Variants in PTPN21 observed in about 807,000 individuals in gnomAD.
The protein encoded by PTPN21 is tyrosine-protein phosphatase non-receptor type 21.
In PTPN21, 77 loss-of-function variants were observed where a neutral mutation model predicts 131.8. That is an observed-to-expected ratio of 0.58 (90% CI 0.49 to 0.71). PTPN21 has a LOEUF of 0.71. PTPN21 is among the 30% of genes least tolerant of loss of function. PTPN21 has a pLI of 0.00. For missense variants in PTPN21, 1,552 were observed against 1,527.1 expected (o/e 1.02, Z -0.27); for synonymous variants, 715 against 621.3 (o/e 1.15, Z -2.24).
At chr14:88,539,130 C>T (rs1488118322) in intron 2 of PTPN21, among the ~76,000 whole-genome samples, 1 of 151,820 alleles carries the variant, frequency 6.6e-6, no homozygotes, top group Non-Finnish European at 1.5e-5. Context: ...GTTGCCCAGG[C>T]TGGAGTGCAA....
At chr14:88,492,893 AGAT>A in intron 10 of PTPN21, 1 of 339,046 alleles carries the variant, frequency 2.9e-6, no homozygotes, top group South Asian at 2.3e-5. Flanking sequence ...GGGGACACGA[AGAT>A]GAGGAAGAGG....
At chr14:88,505,425 T>C (rs2078072676) in intron 4 of PTPN21, 54 bp from the exon 5 acceptor site, 5 of 1,293,070 alleles carry the variant, frequency 3.9e-6, no homozygotes, top group Non-Finnish European at 5.5e-6. Context: ...CATTGCAAAA[T>C]ATGCACAACA....
intron 2 of PTPN21, among the ~76,000 whole-genome samples, chr14:88,541,878 T>A (rs879535672): frequency 1.3e-5 from 2 of 152,194 alleles, no homozygotes; most frequent in Non-Finnish European, 2.9e-5. Context: ...GGAAGAAAGA[T>A]CCTGCTCTGT....
intron 2 of PTPN21, among the ~76,000 whole-genome samples, chr14:88,517,842 A>G (rs61984679): frequency 2.0e-5 from 3 of 147,386 alleles, no homozygotes; most frequent in African/African-American, 7.4e-5. Flanking sequence ...TATATACACT[A>G]TATATATGGT....
chr14:88,481,771 G>GGTGGGC (rs2077656206), intron 12 of PTPN21, among the ~76,000 whole-genome samples: 1 of 152,176 alleles, frequency 6.6e-6, no homozygotes, highest in African/African-American at 2.4e-5. Context: ...AAGTGGGTGG[G>GGTGGGC]GTGGGCGTGT....
chr14:88,528,909 G>A (rs1256508385), intron 2 of PTPN21, among the ~76,000 whole-genome samples: 5 of 152,144 alleles, frequency 3.3e-5, no homozygotes, highest in Admixed American at 1.3e-4. Context: ...CTAGGTATAC[G>A]TTCATATCAT....
chr14:88,519,016 G>T (rs1482699394), intron 2 of PTPN21, among the ~76,000 whole-genome samples: 4 of 151,174 alleles, frequency 2.6e-5, no homozygotes, highest in Non-Finnish European at 4.4e-5. Flanking sequence ...CACACAGAGT[G>T]CATGAGAAAA....
rs1227077129 is a variant in PTPN21 at position 88,550,312 on chromosome 14, C to T, written c.106G>A (p.Glu36Lys). Residue 36 changes from glutamate to lysine, a missense_variant, in exon 2 of 19, where the codon GAG (glutamate) becomes AAG (lysine). Glu to Lys is a moderately conservative substitution (Grantham distance 56). Coordinates refer to ENST00000556564, the MANE Select transcript of PTPN21 (RefSeq NM_007039.4). Reference sequence around the variant, plus strand: ...GTGCTCTCCACGGACAGGGTGAACTCCACAAACTCGTTATTAAGCAGTTGG... The same window carrying T: ...GTGCTCTCCACGGACAGGGTGAACTTCACAAACTCGTTATTAAGCAGTTGG... ...RIQLLNNEFVEFTLSVESTGQ... is the reference protein window; with the variant it reads ...RIQLLNNEFVKFTLSVESTGQ... 6.2e-7 allele frequency: 1 copy of T among 1,614,216 alleles called. No individual in the cohort carries two copies. The highest frequency in any genetic ancestry group is 1.1e-5 in the South Asian group (1 of 91,076).
At chr14:88,543,585 T>C (rs1375803809) in intron 2 of PTPN21, among the ~76,000 whole-genome samples, 3 of 152,198 alleles carry the variant, frequency 2.0e-5, no homozygotes, top group African/African-American at 7.2e-5. Flanking sequence ...ACAACATAGG[T>C]GCAAGGTGCC....
intron 2 of PTPN21, among the ~76,000 whole-genome samples, chr14:88,522,090 G>A (rs1169753069): frequency 1.3e-5 from 2 of 152,154 alleles, no homozygotes; most frequent in South Asian, 2.1e-4. Flanking sequence ...CCATAGAAGA[G>A]AGTAGCGAGA....
chr14:88,500,307 G>A (rs1340074246), intron 8 of PTPN21, among the ~76,000 whole-genome samples: 1 of 152,188 alleles, frequency 6.6e-6, no homozygotes, highest in Non-Finnish European at 1.5e-5. Flanking sequence ...GCATTAGCCT[G>A]TAGTCCTAGC....
At position 88,465,901 on chromosome 14, in the gene PTPN21, G is replaced by GTAAT. The variant is rs1333363161; in HGVS notation, c.*2232_*2235dup. On this transcript the variant is annotated 3_prime_UTR_variant, in exon 19 of 19. Coordinates refer to ENST00000556564, the MANE Select transcript of PTPN21 (RefSeq NM_007039.4). ...AACATTTTAAGAGTAATATTAAACAGTAATTTTGCCCTCAGAAGTTTACTT... is the reference window on the plus strand; with the variant it reads ...AACATTTTAAGAGTAATATTAAACAGTAATTAATTTTGCCCTCAGAAGTTTACTT... The GTAAT allele has an allele frequency of 2.0e-5, 3 of 151,894 alleles. No individual in the cohort carries two copies. Among genetic ancestry groups the GTAAT allele is most frequent in the African/African-American group, 7.3e-5 (3 of 41,180 alleles). The allele number at this position is 151,894 out of a possible 1,614,324, so 9.4% of individuals were successfully genotyped here. A position where few individuals can be genotyped will look rare whatever the true frequency, so the allele number is the denominator to read the frequency against.
At chr14:88,537,836 G>A (rs961804131) in intron 2 of PTPN21, among the ~76,000 whole-genome samples, 1 of 152,178 alleles carries the variant, frequency 6.6e-6, no homozygotes, top group Non-Finnish European at 1.5e-5. Context: ...TAGGGCATGT[G>A]ATATAGCCTA....
intron 12 of PTPN21, among the ~76,000 whole-genome samples, chr14:88,483,903 G>A (rs1436139373): frequency 6.6e-6 from 1 of 152,162 alleles, no homozygotes; most frequent in Non-Finnish European, 1.5e-5. Flanking sequence ...GAAAGGCAGA[G>A]GCAGGAGGAT....
At chr14:88,492,995 GCAGGCAGGAACTACTCTAA>G (rs371505473) in intron 10 of PTPN21, 42 of 422,348 alleles carry the variant, frequency 9.9e-5, no homozygotes, top group African/African-American at 7.6e-4. Flanking sequence ...TATGAAAAAA[GCAGGCAGGAACTACTCTAA>G]CAGGCTAGCA....
Position 88,476,187 on chromosome 14 carries a change from A to C in PTPN21, c.2512-2385T>G, listed in dbSNP as rs544594654. Among the ~76,000 whole-genome samples, 7 of 152,284 alleles carry C rather than the reference A, an allele frequency of 4.6e-5. No homozygotes were observed. The East Asian group carries it at 1.4e-3, about 29-fold the overall frequency. On this transcript the variant is annotated intron_variant, in intron 13 of 18. Coordinates refer to ENST00000556564, the MANE Select transcript of PTPN21 (RefSeq NM_007039.4). ...TACTAAACCTCCATAACCTTAATTC[A>C]CATTAGGAAATTTGTTGTAACGATT...
chr14:88,500,498 A>G (rs2077991609), intron 8 of PTPN21, among the ~76,000 whole-genome samples: 1 of 152,182 alleles, frequency 6.6e-6, no homozygotes, highest in Admixed American at 6.5e-5. Flanking sequence ...ATATCAAAGC[A>G]AAGAATGGCC....
rs112928496 is a variant in PTPN21 at position 88,472,258 on chromosome 14, C to T, written c.2857G>A (p.Ala953Thr). The change falls in exon 15 of 19, where the codon GCA becomes ACA. Residue 953 changes from alanine to threonine, a missense_variant. Physicochemically the swap from Ala to Thr is moderately conservative, Grantham distance 58. Transcript: ENST00000556564. Reference protein sequence around the residue: ...TKENNTGYINASHIKVSVSGI... With the variant: ...TKENNTGYINTSHIKVSVSGI... The stretch of plus-strand genomic sequence containing the variant: ...GTTCCTCTCACCTTAATATGTGATG[C>T]GTTGATGTAACCAGTGTTGTTTTCT... 3.7e-6 allele frequency: 6 copies of T among 1,607,892 alleles called. No homozygotes were observed. The highest frequency in any genetic ancestry group is 4.3e-6 in the Non-Finnish European group (5 of 1,174,430).
At chr14:88,472,683 AAC>A (rs1241161405) in intron 14 of PTPN21, among the ~76,000 whole-genome samples, 3 of 152,156 alleles carry the variant, frequency 2.0e-5, no homozygotes, top group Non-Finnish European at 4.4e-5. Flanking sequence ...CAGCCTGAGA[AAC>A]ACAGTGAGAC....
Sources: allele counts gnomAD v4.1 joint callset (sites outside exome capture counted in the v4.1 genomes callset), GRCh38; gene constraint gnomAD v4.1.1; transcripts MANE v1.5; gene names NCBI Gene and HGNC (gene_info 2026-07-23, HGNC 2026-07-21).